Variants in CYRIA observed in about 807,000 individuals in gnomAD.
CYRIA encodes CYFIP related Rac1 interactor A, also known as CYFIP-related Rac1 interactor A.
In CYRIA, 15 loss-of-function variants were observed where a neutral mutation model predicts 43.9. That is an observed-to-expected ratio of 0.34 (90% CI 0.23 to 0.53). CYRIA has a LOEUF of 0.53. Among genes scored for constraint, CYRIA ranks in the 20% least tolerant of loss-of-function variants. The probability of loss-of-function intolerance (pLI) is 0.94; values close to 1 mark genes in which losing one functional copy is unlikely to be tolerated. For missense variants in CYRIA, 236 were observed against 394.2 expected (o/e 0.60, Z 3.40); for synonymous variants, 117 against 136.0 (o/e 0.86, Z 0.97).
chr2:16,615,460 A>G (rs1391843447), intron 2 of CYRIA, among the ~76,000 whole-genome samples: 1 of 152,192 alleles, frequency 6.6e-6, no homozygotes, highest in East Asian at 1.9e-4. Context: ...GATAGGACCC[A>G]CTGAGCCCCC....
chr2:16,655,368 C>G (rs1469361731), intron 1 of CYRIA, among the ~76,000 whole-genome samples: 1 of 152,142 alleles, frequency 6.6e-6, no homozygotes, highest in Non-Finnish European at 1.5e-5. Flanking sequence ...GGAACTGAGG[C>G]TCAGGGAGGG....
At chr2:16,635,456 T>G (rs1470752740) in intron 1 of CYRIA, among the ~76,000 whole-genome samples, 1 of 152,228 alleles carries the variant, frequency 6.6e-6, no homozygotes, top group Admixed American at 6.5e-5. Flanking sequence ...TCTCTTGCCC[T>G]AACATGGTAC....
intron 3 of CYRIA, among the ~76,000 whole-genome samples, chr2:16,581,016 A>G (rs1572477005): frequency 6.6e-6 from 1 of 152,200 alleles, no homozygotes. Context: ...AAGAAAACAA[A>G]GCAAAATATC....
At chr2:16,567,984 GAAAC>G (rs968152719) in intron 3 of CYRIA, among the ~76,000 whole-genome samples, 1 of 151,980 alleles carries the variant, frequency 6.6e-6, no homozygotes, top group Non-Finnish European at 1.5e-5. Flanking sequence ...CAAGGCTGGG[GAAAC>G]AAACAAACAA....
At chr2:16,629,817 TAC>T (rs1669275059) in intron 1 of CYRIA, among the ~76,000 whole-genome samples, 1 of 152,198 alleles carries the variant, frequency 6.6e-6, no homozygotes, top group Non-Finnish European at 1.5e-5. Context: ...TCTTACGGGT[TAC>T]CATTCAACAC....
At chr2:16,585,963 C>T (rs984886590) in intron 3 of CYRIA, among the ~76,000 whole-genome samples, 4 of 152,106 alleles carry the variant, frequency 2.6e-5, no homozygotes, top group African/African-American at 9.7e-5. Flanking sequence ...GCAAATTCTA[C>T]TTGGATCACT....
intron 1 of CYRIA, among the ~76,000 whole-genome samples, chr2:16,652,252 C>G (rs1187537348): frequency 2.6e-5 from 4 of 152,150 alleles, no homozygotes; most frequent in Admixed American, 2.0e-4. Flanking sequence ...TACCTACCCC[C>G]CTCACACTCT....
Position 16,561,049 on chromosome 2 carries a change from C to T in CYRIA, c.651G>A (p.Glu217=), listed in dbSNP as rs1666707051. 1 of 1,613,612 alleles carries T rather than the reference C, an allele frequency of 6.2e-7. No homozygotes were observed. Among genetic ancestry groups the T allele is most frequent in the South Asian group, 1.1e-5 (1 of 91,076 alleles). Residue 217 remains glutamate (E), a synonymous_variant, in exon 9 of 12, where the codon GAG becomes GAA. Coordinates refer to ENST00000381323, the MANE Select transcript of CYRIA (RefSeq NM_030797.4). The part of the protein sequence containing the change: ...FVSENKTLPI[E]NTTDCLSTMT... ...TTGTGCTGAGGCAGTCTGTGGTGTT[C>T]TCTATTGGCAGAGTTTTGTTCTAAA...
intron 3 of CYRIA, among the ~76,000 whole-genome samples, chr2:16,573,120 T>C (rs1415403306): frequency 6.6e-6 from 1 of 152,230 alleles, no homozygotes; most frequent in Non-Finnish European, 1.5e-5. Flanking sequence ...ATATAGTTTC[T>C]TCATTGGTGA....
intron 2 of CYRIA, among the ~76,000 whole-genome samples, chr2:16,608,700 G>C (rs909407701): frequency 2.0e-5 from 3 of 152,340 alleles, no homozygotes; most frequent in Non-Finnish European, 2.9e-5. Context: ...GAAGTTCTTA[G>C]TGTAGCATCT....
At chr2:16,570,746 T>C (rs1183461224) in intron 3 of CYRIA, among the ~76,000 whole-genome samples, 1 of 152,140 alleles carries the variant, frequency 6.6e-6, no homozygotes, top group African/African-American at 2.4e-5. Context: ...GACTGAACTT[T>C]AGTCAAAGAA....
intron 1 of CYRIA, among the ~76,000 whole-genome samples, chr2:16,638,186 C>CTG (rs1669560231): frequency 6.6e-6 from 1 of 152,134 alleles, no homozygotes. Context: ...TCACTGGAGC[C>CTG]CACCCTGCAG....
intron 1 of CYRIA, among the ~76,000 whole-genome samples, chr2:16,634,814 C>T (rs569411160): frequency 7.9e-5 from 12 of 152,294 alleles, no homozygotes; most frequent in East Asian, 5.8e-4. Flanking sequence ...CATTCAGTGA[C>T]GCCATGGAAG....
At position 16,552,317 on chromosome 2, in the gene CYRIA, T is replaced by C. The variant is rs1181328651; in HGVS notation, c.*619A>G. The stretch of plus-strand genomic sequence containing the variant: ...TGAAAAAAATACAGGAGATTTTTTT[T>C]TCATGTGAAATTAAAGGAGAACATT... On this transcript the variant is annotated 3_prime_UTR_variant, in exon 12 of 12. Coordinates refer to ENST00000381323, the MANE Select transcript of CYRIA (RefSeq NM_030797.4). 6.6e-6 allele frequency: 1 copy of C among 152,082 alleles called. No individual in the cohort carries two copies. Among genetic ancestry groups the C allele is most frequent in the Non-Finnish European group, 1.5e-5 (1 of 68,020 alleles). 9.4% of individuals were successfully genotyped at this position (152,082 alleles called of 1,614,324 possible). A position where few individuals can be genotyped will look rare whatever the true frequency, so the allele number is the denominator to read the frequency against.
chr2:16,660,277 C>A (rs915514754), intron 1 of CYRIA, among the ~76,000 whole-genome samples: 4 of 152,220 alleles, frequency 2.6e-5, no homozygotes, highest in African/African-American at 9.6e-5. Context: ...TCTTCCCTTA[C>A]GAGGAAGTAA....
chr2:16,585,683 G>A (rs903297620), intron 3 of CYRIA, among the ~76,000 whole-genome samples: 4 of 152,054 alleles, frequency 2.6e-5, no homozygotes, highest in Non-Finnish European at 5.9e-5. Context: ...ACTTCTAAAT[G>A]CTCTGTTTAG....
intron 2 of CYRIA, among the ~76,000 whole-genome samples, chr2:16,588,928 T>C (rs960556940): frequency 1.1e-4 from 16 of 152,210 alleles, no homozygotes; most frequent in African/African-American, 3.9e-4. Context: ...AACAGAAAAT[T>C]ACAAACCTCT....
intron 2 of CYRIA, among the ~76,000 whole-genome samples, chr2:16,603,377 GATAA>G (rs1255124111): frequency 1.3e-5 from 2 of 152,182 alleles, no homozygotes; most frequent in African/African-American, 4.8e-5. Flanking sequence ...CAGTTTCAGA[GATAA>G]ATAATCTTAA....
chr2:16,585,385 G>A (rs1259899949), intron 3 of CYRIA, among the ~76,000 whole-genome samples: 1 of 152,030 alleles, frequency 6.6e-6, no homozygotes, highest in African/African-American at 2.4e-5. Context: ...AGAGATCTTT[G>A]TTCCCATCTT....
Sources: gnomAD v4.1 joint callset for allele counts (sites outside exome capture counted in the v4.1 genomes callset) on GRCh38, gnomAD v4.1.1 for gene constraint, MANE v1.5 for transcripts, NCBI Gene and HGNC (gene_info 2026-07-23, HGNC 2026-07-21) for gene names.